CDH22: variants seen among roughly 807,000 people sequenced by gnomAD.
The protein encoded by CDH22 is cadherin-22.
In CDH22, 30 loss-of-function variants were observed where a neutral mutation model predicts 58.4. The observed-to-expected ratio is 0.51, with a 90% CI of 0.38 to 0.70. CDH22 has a LOEUF of 0.70. Ranked by LOEUF, CDH22 falls within the 30% of genes least tolerant of loss-of-function variation. CDH22 has a pLI of 0.00. For missense variants in CDH22, 1,014 were observed against 1,233.9 expected, an observed-to-expected ratio of 0.82 and a Z score of 2.67; for synonymous variants, 513 against 558.2, an observed-to-expected ratio of 0.92 and a Z score of 1.14.
At chr20:46,185,020 A>G (rs1243890819) in intron 10 of CDH22, among the ~76,000 whole-genome samples, 2 of 152,106 alleles carry the variant, frequency 1.3e-5, no homozygotes, top group Admixed American at 1.3e-4. Flanking sequence ...TGGGAGGCAG[A>G]GGTTGCAGTG....
rs1384318179 is a variant in CDH22, at chr20:46,241,839, C to G, written c.256-582G>C. On this transcript the variant is annotated intron_variant, in intron 2 of 11. Transcript: ENST00000537909. This position sits in a 1 kb window ranked among gnomAD's most constrained non-coding sequence, Gnocchi z 5.2. The stretch of plus-strand genomic sequence containing the variant: ...CACTTCTCAAACTCTAGTATGCATG[C>G]AGTTCACCTGGGGATCTTGTTAAAA... 6.6e-6 allele frequency among the ~76,000 whole-genome samples: 1 copy of G among 152,204 alleles called. No homozygotes were observed. The highest frequency in any genetic ancestry group is 2.4e-5 in the African/African-American group (1 of 41,454).
rs764786590 is a variant in CDH22, at chr20:46,174,622, C to T, written c.2371G>A (p.Gly791Ser). The T allele has an allele frequency of 6.5e-7, 1 of 1,546,316 alleles. No homozygotes were observed. Among genetic ancestry groups the T allele is most frequent in the South Asian group, 1.2e-5 (1 of 84,446 alleles). Reference sequence around the variant, plus strand: ...AAGTCCTGCTCGGAGCCCGACGAGCCGCTGTGCAGGGAGCTGAGCGAGGCG... The same window carrying T: ...AAGTCCTGCTCGGAGCCCGACGAGCTGCTGTGCAGGGAGCTGAGCGAGGCG... ...PAASLSSLHS[G>S]SSGSEQDFAY... Residue 791 changes from glycine to serine, a missense_variant, in exon 12 of 12, where the codon GGC becomes AGC. Coordinates refer to ENST00000537909, the MANE Select transcript of CDH22 (RefSeq NM_021248.3). This position sits in a 1 kb window ranked among gnomAD's most constrained non-coding sequence, Gnocchi z 4.4.
intron 2 of CDH22, among the ~76,000 whole-genome samples, chr20:46,246,748 G>A (rs980283870): frequency 6.6e-6 from 1 of 152,130 alleles, no homozygotes; most frequent in African/African-American, 2.4e-5. Flanking sequence ...GGCGCCCGGG[G>A]TTCACTCTGC....
chr20:46,277,935 G>A (rs1398959039), intron 1 of CDH22, among the ~76,000 whole-genome samples: 2 of 152,010 alleles, frequency 1.3e-5, no homozygotes, highest in African/African-American at 2.4e-5. Flanking sequence ...CTTTCTTAAA[G>A]GAGAGAGTTG....
At chr20:46,256,008 A>G (rs2086404996) in intron 1 of CDH22, among the ~76,000 whole-genome samples, 2 of 151,876 alleles carry the variant, frequency 1.3e-5, no homozygotes, top group Non-Finnish European at 2.9e-5. Context: ...CTTCAGCCTC[A>G]CCTCCTATAA....
At chr20:46,265,802 C>T (rs1243063776) in intron 1 of CDH22, among the ~76,000 whole-genome samples, 5 of 152,230 alleles carry the variant, frequency 3.3e-5, no homozygotes, top group Admixed American at 2.6e-4. Flanking sequence ...CTTCTTTCCC[C>T]TTTTCTCCCA....
rs2086083838 is a variant in CDH22 at position 46,216,190 on chromosome 20, G to A, written c.838+636C>T. 6.6e-6 allele frequency among the ~76,000 whole-genome samples: 1 copy of A among 152,190 alleles called. No homozygotes were observed. The highest frequency in any genetic ancestry group is 6.5e-5 in the Admixed American group (1 of 15,292). ...GGCCTGAGCCTGGGACAGAGGGGTT[G>A]GCTGGGCTGATAGGGAGCTGGGAGG... is the stretch of plus-strand genomic sequence containing the variant. On this transcript the variant is annotated intron_variant, in intron 5 of 11. Coordinates refer to ENST00000537909, the MANE Select transcript of CDH22 (RefSeq NM_021248.3). This position sits in a 1 kb window ranked among gnomAD's most constrained non-coding sequence, Gnocchi z 5.3.
chr20:46,237,151 AC>A (rs1470098741), intron 3 of CDH22, among the ~76,000 whole-genome samples: 2 of 152,122 alleles, frequency 1.3e-5, no homozygotes, highest in Admixed American at 6.5e-5. Context: ...GCTTGAATGA[AC>A]CCTCTCAATG....
At chr20:46,266,177 G>C (rs2086458698) in intron 1 of CDH22, among the ~76,000 whole-genome samples, 1 of 152,152 alleles carries the variant, frequency 6.6e-6, no homozygotes. Context: ...AGGGTCCTTT[G>C]TCCTCACACA....
intron 7 of CDH22, among the ~76,000 whole-genome samples, chr20:46,205,315 G>A (rs2085993416): frequency 6.6e-6 from 1 of 151,872 alleles, no homozygotes; most frequent in Non-Finnish European, 1.5e-5. Context: ...AACCCTGAGA[G>A]CACCAGGCAC....
At chr20:46,304,298 A>G (rs2086665170) in intron 1 of CDH22, among the ~76,000 whole-genome samples, 1 of 152,210 alleles carries the variant, frequency 6.6e-6, no homozygotes, top group Admixed American at 6.5e-5. Context: ...GATATGAGCA[A>G]TAACAATACT....
At chr20:46,249,508 T>A (rs1292903558) in intron 2 of CDH22, among the ~76,000 whole-genome samples, 1 of 152,214 alleles carries the variant, frequency 6.6e-6, no homozygotes, top group African/African-American at 2.4e-5. Flanking sequence ...TTACTGTGTC[T>A]AGACCAGAGA....
chr20:46,194,275 G>A (rs1236472163), intron 8 of CDH22, among the ~76,000 whole-genome samples: 2 of 152,170 alleles, frequency 1.3e-5, no homozygotes, highest in Non-Finnish European at 2.9e-5. Flanking sequence ...AGAAAACACT[G>A]GCTGCGGGTA....
chr20:46,196,376 C>T (rs1600691116), intron 8 of CDH22, among the ~76,000 whole-genome samples: 1 of 151,998 alleles, frequency 6.6e-6, no homozygotes, highest in East Asian at 1.9e-4. Flanking sequence ...TGGGTTCAAG[C>T]GATTCTCGTG....
chr20:46,279,478 C>A (rs907850670), intron 1 of CDH22, among the ~76,000 whole-genome samples: 4 of 152,116 alleles, frequency 2.6e-5, no homozygotes, highest in Non-Finnish European at 5.9e-5. Flanking sequence ...CTATATATGA[C>A]AACATTGATA....
intron 5 of CDH22, among the ~76,000 whole-genome samples, 160 bp from the exon 6 acceptor site, chr20:46,213,348 T>A (rs547290975): frequency 6.6e-6 from 1 of 152,294 alleles, no homozygotes; most frequent in East Asian, 1.9e-4. Flanking sequence ...GAGAGGAATG[T>A]CCCCTGCAGA....
intron 3 of CDH22, among the ~76,000 whole-genome samples, chr20:46,231,132 G>C (rs1403414875): frequency 6.6e-6 from 1 of 152,186 alleles, no homozygotes; most frequent in Non-Finnish European, 1.5e-5. Context: ...TGACAGGAGC[G>C]GGCTGCTGTC....
intron 5 of CDH22, among the ~76,000 whole-genome samples, chr20:46,213,633 G>A (rs929457640): frequency 7.9e-5 from 12 of 152,144 alleles, no homozygotes; most frequent in East Asian, 3.8e-4. Flanking sequence ...AGATGATGAC[G>A]CCTGTAACAT....
intron 5 of CDH22, among the ~76,000 whole-genome samples, chr20:46,214,258 C>T (rs1398809942): frequency 6.6e-6 from 1 of 152,126 alleles, no homozygotes; most frequent in Non-Finnish European, 1.5e-5. Flanking sequence ...CTGCAGCTTG[C>T]TCTCCAACCA....
Sources: gnomAD v4.1 joint callset for allele counts (sites outside exome capture counted in the v4.1 genomes callset) on GRCh38, gnomAD v4.1.1 for gene constraint, Gnocchi (gnomAD v3.1) non-coding constraint, MANE v1.5 for transcripts, NCBI Gene and HGNC (gene_info 2026-07-23, HGNC 2026-07-21) for gene names.